The following NTN4 variants were observed in gnomAD, a reference collection of about 807,000 sequenced individuals.
NTN4 encodes netrin-4.
A neutral mutation model predicts 73.6 loss-of-function variants in NTN4; 32 were observed. That is an observed-to-expected ratio of 0.44 (90% CI 0.33 to 0.58). The LOEUF (loss-of-function observed/expected upper bound fraction) is 0.58, where lower values mean the gene tolerates loss of function less well. Among genes scored for constraint, NTN4 ranks in the 20% least tolerant of loss-of-function variants. The probability of loss-of-function intolerance (pLI) is 0.04; values close to 1 mark genes in which losing one functional copy is unlikely to be tolerated. For synonymous variants in NTN4, 258 were observed against 287.5 expected (o/e 0.90, Z 1.04); for missense variants, 654 against 798.3 (o/e 0.82, Z 2.18).
At chr12:95,783,305 T>C (rs779535997) in intron 2 of NTN4, among the ~76,000 whole-genome samples, 1 of 152,204 alleles carries the variant, frequency 6.6e-6, no homozygotes, top group Non-Finnish European at 1.5e-5. Context: ...ACATCCTAAA[T>C]CTCCCATTTG....
chr12:95,749,711 C>A (rs1464278607), intron 2 of NTN4, among the ~76,000 whole-genome samples: 1 of 152,204 alleles, frequency 6.6e-6, no homozygotes, highest in Non-Finnish European at 1.5e-5. Context: ...CTGCCTTGGT[C>A]CTTCACCCTT....
chr12:95,713,247 G>C lies in NTN4; in HGVS notation c.956C>G (p.Ala319Gly). ...PLYNDRPWEA[A>G]DGKTGAPNEC... ...GTTGGGAGCCCCCGTTTTGCCATCA[G>C]CTGCCTCCCATGGCCGGTCATTGTA... Residue 319 changes from alanine to glycine, a missense_variant, in exon 4 of 10, where the codon GCT becomes GGT. Coordinates refer to ENST00000343702, the MANE Select transcript of NTN4 (RefSeq NM_021229.4). 6.2e-7 allele frequency: 1 copy of C among 1,613,550 alleles called. No individual in the cohort carries two copies. The highest frequency in any genetic ancestry group is 1.1e-5 in the South Asian group (1 of 91,002).
intron 2 of NTN4, among the ~76,000 whole-genome samples, chr12:95,762,938 T>C (rs2078998672): frequency 6.6e-6 from 1 of 152,212 alleles, no homozygotes; most frequent in African/African-American, 2.4e-5. Context: ...CATGAATCAA[T>C]TGCAAATGTG....
intron 5 of NTN4, among the ~76,000 whole-genome samples, chr12:95,693,458 C>T (rs2078416951): frequency 1.3e-5 from 2 of 151,776 alleles, no homozygotes; most frequent in South Asian, 2.1e-4. Flanking sequence ...TGGCCAGGTG[C>T]GGAAGCTCAT....
intron 7 of NTN4, among the ~76,000 whole-genome samples, chr12:95,672,122 AC>A (rs2078235933): frequency 6.6e-6 from 1 of 151,546 alleles, no homozygotes; most frequent in East Asian, 1.9e-4. Flanking sequence ...GGAGTCTAAG[AC>A]CAGGCTAGGT....
chr12:95,686,552 A>G (rs2078362438), intron 5 of NTN4, among the ~76,000 whole-genome samples: 1 of 151,650 alleles, frequency 6.6e-6, no homozygotes, highest in Admixed American at 6.6e-5. Context: ...TGAGGTCAGG[A>G]GATCGAGGCC....
At position 95,770,988 on chromosome 12, in the gene NTN4, A is replaced by ATTTTTTTTTTTTTTTTTTTTTTTT. The variant is rs1460848065; in HGVS notation, c.585+15950_585+15951insAAAAAAAAAAAAAAAAAAAAAAAA. On this transcript the variant is annotated intron_variant, in intron 2 of 9. Transcript: ENST00000343702. ...GCAAGATGAACCATCCAGGAAAAGA[A>ATTTTTTTTTTTTTTTTTTTTTTTT]TTTGTTTTTTTTTTTTTTTGAGACA... Among the ~76,000 whole-genome samples the ATTTTTTTTTTTTTTTTTTTTTTTT allele has an allele frequency of 6.7e-4, 39 of 58,082 alleles. 4 individuals carry two copies. Among genetic ancestry groups the ATTTTTTTTTTTTTTTTTTTTTTTT allele is most frequent in the African/African-American group, 1.3e-3 (30 of 22,884 alleles). The allele number at this position is 58,082 out of a possible 152,430, so 38.1% of individuals were successfully genotyped here. A position where few individuals can be genotyped will look rare whatever the true frequency, so the allele number is the denominator to read the frequency against.
At chr12:95,746,515 A>G (rs1385549343) in intron 2 of NTN4, among the ~76,000 whole-genome samples, 1 of 152,096 alleles carries the variant, frequency 6.6e-6, no homozygotes, top group Non-Finnish European at 1.5e-5. Context: ...TTCATCTCAA[A>G]GTGTGGCGTT....
intron 3 of NTN4, among the ~76,000 whole-genome samples, chr12:95,722,067 CTT>C (rs200453216): frequency 2.3e-4 from 28 of 124,422 alleles, no homozygotes; most frequent in African/African-American, 3.2e-4. Flanking sequence ...TTCAGTAGAT[CTT>C]TTTTTTTTTT....
At chr12:95,738,217 C>G in intron 2 of NTN4, 73 bp from the exon 3 acceptor site, 4 of 1,373,342 alleles carry the variant, frequency 2.9e-6, no homozygotes, top group Non-Finnish European at 4.0e-6. Context: ...CTAATGTAGT[C>G]CCTGTTTGAT....
At chr12:95,739,821 C>G (rs2078810023) in intron 2 of NTN4, 1 of 152,252 alleles carries the variant, frequency 6.6e-6, no homozygotes, top group Admixed American at 6.5e-5. Flanking sequence ...TTTGGTCTCT[C>G]TCTGTCTCTG....
intron 3 of NTN4, among the ~76,000 whole-genome samples, chr12:95,732,031 G>T (rs1015847036): frequency 1.3e-5 from 2 of 152,168 alleles, no homozygotes; most frequent in Non-Finnish European, 2.9e-5. Flanking sequence ...ATCCATGATA[G>T]TTTTTTTCTG....
chr12:95,670,254 AT>A, intron 7 of NTN4, 108 bp from the exon 8 acceptor site: 1 of 577,464 alleles, frequency 1.7e-6, no homozygotes, highest in East Asian at 3.0e-5. Context: ...GCCTTGAGTG[AT>A]GCATACAGTG....
At chr12:95,692,542 C>G (rs1008484424) in intron 5 of NTN4, among the ~76,000 whole-genome samples, 4 of 152,166 alleles carry the variant, frequency 2.6e-5, no homozygotes, top group African/African-American at 9.7e-5. Context: ...GAAAGTGAAG[C>G]AGGGCCCCTG....
chr12:95,763,626 C>A (rs1034478443), intron 2 of NTN4, among the ~76,000 whole-genome samples: 1 of 152,220 alleles, frequency 6.6e-6, no homozygotes, highest in Non-Finnish European at 1.5e-5. Context: ...CTCTGTAACT[C>A]GTAAGCACAT....
At chr12:95,710,363 G>T in intron 5 of NTN4, 78 bp downstream of exon 5, 2 of 1,187,144 alleles carry the variant, frequency 1.7e-6, no homozygotes, top group Non-Finnish European at 2.4e-6. Flanking sequence ...TCCTTCTTTT[G>T]GGTTAGCAGA....
intron 2 of NTN4, among the ~76,000 whole-genome samples, chr12:95,749,609 G>A (rs2078888844): frequency 6.6e-6 from 1 of 152,186 alleles, no homozygotes; most frequent in Non-Finnish European, 1.5e-5. Context: ...CACGGACTGG[G>A]AAGGCAGCCT....
intron 3 of NTN4, among the ~76,000 whole-genome samples, chr12:95,730,625 GA>G (rs1481992083): frequency 6.6e-6 from 1 of 152,176 alleles, no homozygotes; most frequent in Non-Finnish European, 1.5e-5. Flanking sequence ...CCATGAACGT[GA>G]ATTTGGCTTG....
intron 3 of NTN4, among the ~76,000 whole-genome samples, chr12:95,722,236 G>C (rs1417112410): frequency 6.6e-6 from 1 of 152,176 alleles, no homozygotes; most frequent in Non-Finnish European, 1.5e-5. Context: ...CTGCAGGAAG[G>C]AAGGCAGAAA....
Sources: allele counts gnomAD v4.1 joint callset (sites outside exome capture counted in the v4.1 genomes callset), GRCh38; gene constraint gnomAD v4.1.1; transcripts MANE v1.5; gene names NCBI Gene and HGNC (gene_info 2026-07-23, HGNC 2026-07-21).